The following PIK3R3 variants were observed in gnomAD, a reference collection of about 807,000 sequenced individuals.
PIK3R3 encodes phosphoinositide-3-kinase regulatory subunit 3.
A neutral mutation model predicts 62.9 loss-of-function variants in PIK3R3; 64 were observed. The observed-to-expected ratio is 1.02, with a 90% confidence interval of 0.83 to 1.25. The LOEUF is 1.25. Among genes scored for constraint, PIK3R3 ranks in the 50% most tolerant of loss-of-function variants. The probability of loss-of-function intolerance (pLI) is 0.00; values close to 1 mark genes in which losing one functional copy is unlikely to be tolerated. For synonymous variants in PIK3R3, 165 were observed against 189.0 expected (o/e 0.87, Z 1.04); for missense variants, 614 against 561.6 (o/e 1.09, Z -0.94).
intron 7 of PIK3R3, among the ~76,000 whole-genome samples, chr1:46,050,167 A>G (rs903055663): frequency 6.6e-6 from 1 of 151,988 alleles, no homozygotes; most frequent in African/African-American, 2.4e-5. Flanking sequence ...TCTTCCACCA[A>G]ATTTTATGGA....
At chr1:46,056,877 A>C (rs995614334) in intron 6 of PIK3R3, 23 of 152,256 alleles carry the variant, frequency 1.5e-4, no homozygotes, top group Admixed American at 5.9e-4. Context: ...ACAGTTAAGA[A>C]CAATGGTTTT....
At chr1:46,142,856 G>GA in the PIK3R3 span, among the ~76,000 whole-genome samples, 1 of 152,178 alleles carries the variant, frequency 6.6e-6, no homozygotes, top group African/African-American at 2.4e-5. Flanking sequence ...GCAATGGGGG[G>GA]AGTTTAGGAG....
In PIK3R3 at chr1:46,061,588, C is replaced by T. The variant is rs555101259; in HGVS notation, c.764+341G>A. Among the ~76,000 whole-genome samples, 3 of 152,222 alleles carry T rather than the reference C, an allele frequency of 2.0e-5. No homozygotes were observed. The South Asian group carries it at 6.2e-4, about 32-fold the overall frequency. ...CTCAATGAGTTTACAGTTGAGTGGGCGTGGCATTCAGTAAATGTTACACTA... is the reference window on the plus strand; with the variant it reads ...CTCAATGAGTTTACAGTTGAGTGGGTGTGGCATTCAGTAAATGTTACACTA... On this transcript the variant is annotated intron_variant, in intron 6 of 9. Coordinates refer to ENST00000262741, the MANE Select transcript of PIK3R3 (RefSeq NM_003629.4).
chr1:46,142,418 G>GC, the PIK3R3 span, among the ~76,000 whole-genome samples: 3 of 152,338 alleles, frequency 2.0e-5, no homozygotes, highest in South Asian at 6.2e-4. Flanking sequence ...AATTACAGAG[G>GC]CCGGGCGCGG....
chr1:46,129,482 C>A (rs1655391074), intron 1 of PIK3R3, among the ~76,000 whole-genome samples: 1 of 151,168 alleles, frequency 6.6e-6, no homozygotes, highest in African/African-American at 2.4e-5. Context: ...TTTTTAAACC[C>A]ATTGGAAGAT....
At chr1:46,089,975 G>C (rs1172720623) in intron 1 of PIK3R3, among the ~76,000 whole-genome samples, 6 of 152,218 alleles carry the variant, frequency 3.9e-5, no homozygotes, top group African/African-American at 1.4e-4. Flanking sequence ...AAAATAGGGA[G>C]GTAAAACACC....
chr1:46,112,248 T>C (rs1653807567), intron 1 of PIK3R3, among the ~76,000 whole-genome samples: 1 of 152,224 alleles, frequency 6.6e-6, no homozygotes, highest in South Asian at 2.1e-4. Flanking sequence ...TACTCTACAA[T>C]CTATTACAGA....
chr1:46,164,560 C>T, the PIK3R3 span, among the ~76,000 whole-genome samples: 6 of 152,228 alleles, frequency 3.9e-5, no homozygotes, highest in South Asian at 2.1e-4. Flanking sequence ...ACCCGGGAGG[C>T]GGAGATTGCA....
chr1:46,136,227 A>G (rs879387450), upstream of PIK3R3, among the ~76,000 whole-genome samples: 1 of 152,074 alleles, frequency 6.6e-6, no homozygotes, highest in South Asian at 2.1e-4. Context: ...AATTAAATAA[A>G]CTCATTTAAC....
chr1:46,045,979 G>A lies in PIK3R3; in HGVS notation c.1126C>T (p.Pro376Ser), dbSNP rs1557548176. Residue 376 changes from proline (P) to serine (S), a missense_variant, in exon 9 of 10, where the codon CCT (proline) becomes TCT (serine). Transcript: ENST00000262741. ...TCACGAATTAAGAATGCACCATCAG[G>A]TTTCCCATAAAGCAAGTCCTCTGCT... ...VQAEDLLYGKPDGAFLIRESS... is the reference protein window; with the variant it reads ...VQAEDLLYGKSDGAFLIRESS... 36 of 1,613,306 alleles carry A rather than the reference G, an allele frequency of 2.2e-5. No individual in the cohort carries two copies. Among genetic ancestry groups the A allele is most frequent in the Non-Finnish European group, 2.7e-5 (32 of 1,179,736 alleles).
the PIK3R3 span, among the ~76,000 whole-genome samples, chr1:46,148,275 A>G: frequency 6.6e-6 from 1 of 152,332 alleles, no homozygotes; most frequent in South Asian, 2.1e-4. Flanking sequence ...AAACTAGCTT[A>G]AGACAAATAA....
rs1177306351 is a variant in PIK3R3 at position 46,046,085 on chromosome 1, GTTCCT to G, written c.1017-2_1019del. ...TTTCATCTTCCTCATTGATAAAATAGTTCCTAAAAATTAAATATTAGTATATTATT... is the reference window on the plus strand; with the variant it reads ...TTTCATCTTCCTCATTGATAAAATAGAAAAATTAAATATTAGTATATTATT... On this transcript the variant is annotated splice_acceptor_variant and coding_sequence_variant, in exon 9 of 10. Coordinates refer to ENST00000262741, the MANE Select transcript of PIK3R3 (RefSeq NM_003629.4). LOFTEE classifies it high-confidence loss of function. 6.4e-7 allele frequency: 1 copy of G among 1,570,904 alleles called. No homozygotes were observed. The highest frequency in any genetic ancestry group is 8.7e-7 in the Non-Finnish European group (1 of 1,148,872).
chr1:46,132,107 A>C lies in PIK3R3; in HGVS notation c.-155T>G. On this transcript the variant is annotated 5_prime_UTR_variant, in exon 1 of 10. Transcript: ENST00000262741. ...AGTACCAGTCCGGCCAAACTACCCGAACAGGGTCCTCCCCCTCTCTCCTAC... is the reference window on the plus strand; with the variant it reads ...AGTACCAGTCCGGCCAAACTACCCGCACAGGGTCCTCCCCCTCTCTCCTAC... The C allele has an allele frequency of 7.0e-7, 1 of 1,420,362 alleles. No homozygotes were observed. Among genetic ancestry groups the C allele is most frequent in the Non-Finnish European group, 9.2e-7 (1 of 1,091,816 alleles). 88.0% of individuals were successfully genotyped at this position (1,420,362 alleles called of 1,614,324 possible).
intron 1 of PIK3R3, among the ~76,000 whole-genome samples, chr1:46,124,385 T>C (rs1369252622): frequency 6.6e-6 from 1 of 152,212 alleles, no homozygotes; most frequent in African/African-American, 2.4e-5. Context: ...CCCCCTTTAA[T>C]ACCAATAAAA....
At chr1:46,102,603 C>T (rs545430042) in intron 1 of PIK3R3, among the ~76,000 whole-genome samples, 45 of 151,128 alleles carry the variant, frequency 3.0e-4, no homozygotes, top group Admixed American at 5.3e-4. Flanking sequence ...CTATATGGGC[C>T]GGATTAAGAT....
rs1225446453 is a variant in PIK3R3 at position 46,043,653 on chromosome 1, C to T, written c.*20G>A. 6.2e-7 allele frequency: 1 copy of T among 1,609,124 alleles called. No individual in the cohort carries two copies. The highest frequency in any genetic ancestry group is 8.5e-7 in the Non-Finnish European group (1 of 1,175,614). ...TGTAGAAAAAAATGCCAGAGAACCA[C>T]CTCTCTTCCCACTTCCTCTTTATCT... On this transcript the variant is annotated 3_prime_UTR_variant, in exon 10 of 10. Transcript: ENST00000262741.
chr1:46,127,975 T>G (rs1325707490), intron 1 of PIK3R3, among the ~76,000 whole-genome samples: 2 of 152,222 alleles, frequency 1.3e-5, no homozygotes, highest in African/African-American at 2.4e-5. Flanking sequence ...TTTACATTAC[T>G]ATGACTGTAG....
chr1:46,153,933 G>A, the PIK3R3 span, among the ~76,000 whole-genome samples: 1 of 152,186 alleles, frequency 6.6e-6, no homozygotes, highest in African/African-American at 2.4e-5. Context: ...TCCTGGAGAG[G>A]ATAGGAAAAG....
Position 46,065,922 on chromosome 1 carries a change from T to C in PIK3R3, c.621+132A>G. 4.0e-6 allele frequency: 3 copies of C among 751,642 alleles called. No individual in the cohort carries two copies. In the South Asian group the frequency reaches 4.8e-5, roughly 12 times the overall value. The allele number at this position is 751,642 out of a possible 1,614,324, so 46.6% of individuals were successfully genotyped here. ...TAAGAAGGGAGGGGAATTTATATCA[T>C]TAAAGTTTCAAAAAGGCTGTTTAAG... is the stretch of plus-strand genomic sequence containing the variant. On this transcript the variant is annotated intron_variant, in intron 5 of 9. Transcript: ENST00000262741.
Sources: allele counts gnomAD v4.1 joint callset (sites outside exome capture counted in the v4.1 genomes callset), GRCh38; gene constraint gnomAD v4.1.1; transcripts MANE v1.5; gene names NCBI Gene and HGNC (gene_info 2026-07-23, HGNC 2026-07-21).